Variants in DPP6 observed in about 807,000 individuals in gnomAD.
The protein encoded by DPP6 is dipeptidyl peptidase like 6.
A neutral mutation model predicts 122.6 loss-of-function variants in DPP6; 69 were observed. The observed-to-expected ratio is 0.56, with a 90% CI of 0.46 to 0.69. The LOEUF is 0.69. DPP6 is among the 30% of genes least tolerant of loss of function. The pLI is 0.00. For synonymous variants in DPP6, 418 were observed against 433.1 expected (o/e 0.97, Z 0.43); for missense variants, 928 against 1,116.9 (o/e 0.83, Z 2.41).
chr7:154,859,496 C>A (rs1430513587), intron 17 of DPP6, among the ~76,000 whole-genome samples: 1 of 152,236 alleles, frequency 6.6e-6, no homozygotes, highest in Non-Finnish European at 1.5e-5. Flanking sequence ...TCTCCCAGCC[C>A]TGCTGTGAAA....
chr7:154,801,482 G>A lies in DPP6; in HGVS notation c.1407+20G>A, dbSNP rs750661578. 34 of 1,550,874 alleles carry A rather than the reference G, an allele frequency of 2.2e-5. No homozygotes were observed. The highest frequency in any genetic ancestry group is 2.1e-4 in the Admixed American group (11 of 51,834). On this transcript the variant is annotated intron_variant, in intron 13 of 25. Transcript: ENST00000377770. ...TCCCAGGTAAGTCCTGCTAGTTTCC[G>A]GAGCTGAACTAGAAACTGGCCTGCT...
chr7:154,248,604 A>G (rs1020242715), intron 1 of DPP6, among the ~76,000 whole-genome samples: 2 of 152,156 alleles, frequency 1.3e-5, no homozygotes, highest in African/African-American at 4.8e-5. Flanking sequence ...CGTGGCTCAC[A>G]CCTGTAATCC....
intron 8 of DPP6, among the ~76,000 whole-genome samples, chr7:154,765,215 A>C (rs902727524): frequency 3.3e-5 from 5 of 152,154 alleles, no homozygotes; most frequent in African/African-American, 9.7e-5. Context: ...AGTCATTGTT[A>C]ACCAGAATGT....
rs1045351086 is a variant in DPP6 at position 154,127,634 on chromosome 7, GAC to G, written c.243+74587_243+74588del. Among the ~76,000 whole-genome samples, 209 of 59,756 alleles carry G rather than the reference GAC, an allele frequency of 3.5e-3. 1 individual carries two copies. Among genetic ancestry groups the G allele is most frequent in the African/African-American group, 6.8e-3 (157 of 23,180 alleles). The allele number at this position is 59,756 out of a possible 152,430, so 39.2% of individuals were successfully genotyped here. A position where few individuals can be genotyped will look rare whatever the true frequency, so the allele number is the denominator to read the frequency against. On this transcript the variant is annotated intron_variant, in intron 1 of 25. Coordinates refer to ENST00000377770, the MANE Select transcript of DPP6 (RefSeq NM_130797.4). ...ACACACACACACACACACACACACA[GAC>G]ACACACACACACACAGACACACACA...
At chr7:153,921,883 GT>G (rs1406842196) in intron 1 of DPP6, among the ~76,000 whole-genome samples, 1 of 152,242 alleles carries the variant, frequency 6.6e-6, no homozygotes, top group African/African-American at 2.4e-5. Flanking sequence ...AGTTAGCTGG[GT>G]CTGAGGAGCA....
chr7:154,722,196 C>T (rs960023941), intron 7 of DPP6, among the ~76,000 whole-genome samples: 9 of 152,110 alleles, frequency 5.9e-5, no homozygotes, highest in African/African-American at 2.2e-4. Flanking sequence ...CCCTGCCTTC[C>T]AAAAACAACA....
chr7:153,801,441 G>A, the DPP6 span, among the ~76,000 whole-genome samples: 2 of 152,186 alleles, frequency 1.3e-5, no homozygotes, highest in African/African-American at 2.4e-5. Context: ...CTTAAAGACA[G>A]CAGGTGTACA....
intron 5 of DPP6, among the ~76,000 whole-genome samples, chr7:154,585,465 T>C (rs1410809685): frequency 6.6e-6 from 1 of 152,216 alleles, no homozygotes; most frequent in Admixed American, 6.5e-5. Context: ...AAAGACAGGC[T>C]GAGTGAGCAG....
chr7:154,041,984 C>T (rs1173974253), intron 1 of DPP6, among the ~76,000 whole-genome samples: 1 of 152,176 alleles, frequency 6.6e-6, no homozygotes. Flanking sequence ...GTCTCGATTT[C>T]CCGACCTCGT....
intron 7 of DPP6, among the ~76,000 whole-genome samples, chr7:154,693,559 C>T (rs1840049245): frequency 6.6e-6 from 1 of 152,210 alleles, no homozygotes; most frequent in Admixed American, 6.5e-5. Context: ...CCGAGCCAGC[C>T]TCCCAGGTGG....
At chr7:154,725,147 A>G (rs981018943) in intron 7 of DPP6, among the ~76,000 whole-genome samples, 1 of 152,122 alleles carries the variant, frequency 6.6e-6, no homozygotes, top group African/African-American at 2.4e-5. Context: ...GTGATCCCCC[A>G]TGACTGCAGA....
intron 1 of DPP6, among the ~76,000 whole-genome samples, chr7:154,434,280 T>C (rs1818680993): frequency 6.6e-6 from 1 of 152,224 alleles, no homozygotes; most frequent in Non-Finnish European, 1.5e-5. Flanking sequence ...ACCATGCTGC[T>C]GTAAAACAAA....
At chr7:154,104,487 A>T (rs1402887929) in intron 1 of DPP6, among the ~76,000 whole-genome samples, 1 of 152,182 alleles carries the variant, frequency 6.6e-6, no homozygotes, top group African/African-American at 2.4e-5. Context: ...AGGTGTTTTC[A>T]TGATTAACAA....
chr7:154,572,510 C>CTTTTTTTTTTTTTTTTTTT (rs77816407), intron 5 of DPP6, among the ~76,000 whole-genome samples: 1 of 86,144 alleles, frequency 1.2e-5, no homozygotes. Flanking sequence ...TTTTTCTTTT[C>CTTTTTTTTTTTTTTTTTTT]TTTTTTTTTT....
At chr7:154,507,411 A>T (rs1825746206) in intron 3 of DPP6, among the ~76,000 whole-genome samples, 1 of 152,130 alleles carries the variant, frequency 6.6e-6, no homozygotes, top group Non-Finnish European at 1.5e-5. Flanking sequence ...TGCATTAGGC[A>T]TTTGTCCTAA....
chr7:154,709,358 TTTGTTGTTG>T (rs143254002), intron 7 of DPP6, among the ~76,000 whole-genome samples: 9,487 of 149,272 alleles, frequency 0.064, 715 homozygotes, highest in East Asian at 0.23. Flanking sequence ...TTTTTAATGT[TTTGTTGTTG>T]TTGTTGTTGT....
chr7:154,411,477 G>T (rs1353835510), intron 1 of DPP6, among the ~76,000 whole-genome samples: 1 of 152,166 alleles, frequency 6.6e-6, no homozygotes, highest in African/African-American at 2.4e-5. Context: ...CTAGGTTTAA[G>T]CAGTCTGCCC....
intron 1 of DPP6, among the ~76,000 whole-genome samples, chr7:154,433,714 G>A (rs535790234): frequency 6.6e-6 from 1 of 152,170 alleles, no homozygotes; most frequent in Non-Finnish European, 1.5e-5. Flanking sequence ...TATTTCTTTT[G>A]TCCAAAATCC....
intron 4 of DPP6, among the ~76,000 whole-genome samples, chr7:154,560,875 T>C (rs1260845519): frequency 7.3e-6 from 1 of 137,634 alleles, no homozygotes; most frequent in African/African-American, 2.8e-5. Context: ...AGAGTGAGAC[T>C]CCGTCTTAAA....
Sources: allele counts gnomAD v4.1 joint callset (sites outside exome capture counted in the v4.1 genomes callset), GRCh38; gene constraint gnomAD v4.1.1; transcripts MANE v1.5; gene names NCBI Gene and HGNC (gene_info 2026-07-23, HGNC 2026-07-21).